Variants in TPX2 observed in about 807,000 individuals in gnomAD.
TPX2 encodes the protein targeting protein for Xklp2.
Under a neutral mutation model 93.6 loss-of-function variants are expected in TPX2, and 21 were observed. That is an observed-to-expected ratio of 0.22 (90% CI 0.16 to 0.32). The LOEUF is 0.32. TPX2 is among the 10% of genes least tolerant of loss of function. The pLI, the probability that TPX2 is intolerant of heterozygous loss-of-function variation, is 1.00. For synonymous variants in TPX2, 281 were observed against 298.3 expected (o/e 0.94, Z 0.60); for missense variants, 776 against 871.1 (o/e 0.89, Z 1.37).
chr20:31,792,592 G>A (rs1190097388), intron 12 of TPX2, 143 bp from the exon 13 acceptor site: 1 of 730,108 alleles, frequency 1.4e-6, no homozygotes, highest in African/African-American at 1.7e-5. Flanking sequence ...CAGGAAGATT[G>A]CCTGAGCCCA....
intron 3 of TPX2, among the ~76,000 whole-genome samples, chr20:31,758,093 C>G (rs1442184504): frequency 2.6e-5 from 4 of 151,414 alleles, no homozygotes; most frequent in African/African-American, 9.7e-5. Context: ...ACCCTCACCT[C>G]CCTCCTGCCA....
At chr20:31,747,356 G>T (rs2061790223) in intron 2 of TPX2, among the ~76,000 whole-genome samples, 1 of 152,176 alleles carries the variant, frequency 6.6e-6, no homozygotes. Context: ...CTGACTTCGT[G>T]ATCCGCCTGC....
chr20:31,743,970 C>T (rs933654585), intron 2 of TPX2, among the ~76,000 whole-genome samples: 3 of 151,836 alleles, frequency 2.0e-5, no homozygotes, highest in Non-Finnish European at 4.4e-5. Context: ...ATCTGCCCGC[C>T]TCTGCCTCCC....
At chr20:31,766,268 T>G (rs1037290269) in intron 4 of TPX2, among the ~76,000 whole-genome samples, 1 of 152,220 alleles carries the variant, frequency 6.6e-6, no homozygotes, top group Non-Finnish European at 1.5e-5. Flanking sequence ...TTTCAGAATT[T>G]TATCTTTACC....
intron 14 of TPX2, 57 bp downstream of exon 14, chr20:31,794,081 A>G (rs1460971968): frequency 1.3e-6 from 2 of 1,493,430 alleles, no homozygotes; most frequent in Non-Finnish European, 1.8e-6. Context: ...CCTCAAAGAC[A>G]GTTTTTTCTG....
intron 12 of TPX2, among the ~76,000 whole-genome samples, 200 bp from the exon 13 acceptor site, chr20:31,792,535 T>C (rs1351324063): frequency 2.0e-5 from 3 of 151,178 alleles, no homozygotes; most frequent in Non-Finnish European, 3.0e-5. Context: ...TTCTAGGCCA[T>C]GTGCAGTGGC....
chr20:31,786,402 T>TTTTTTTTTTTTTTG (rs2062066635), intron 12 of TPX2, among the ~76,000 whole-genome samples: 8 of 111,502 alleles, frequency 7.2e-5, no homozygotes, highest in African/African-American at 3.1e-4. Context: ...GAACTACTGT[T>TTTTTTTTTTTTTTG]TTTTTTTTTT....
chr20:31,782,227 C>G, intron 10 of TPX2, 22 bp from the exon 11 acceptor site: 1 of 1,592,682 alleles, frequency 6.3e-7, no homozygotes, highest in Non-Finnish European at 8.6e-7. Flanking sequence ...TCTAGATGAA[C>G]ATCTGTCATC....
At chr20:31,764,358 A>G (rs1568926221) in intron 4 of TPX2, among the ~76,000 whole-genome samples, 1 of 152,010 alleles carries the variant, frequency 6.6e-6, no homozygotes, top group African/African-American at 2.4e-5. Context: ...TTGTAGAGAC[A>G]GAATTTTGCC....
At chr20:31,749,450 A>G (rs755024737) in intron 2 of TPX2, among the ~76,000 whole-genome samples, 1 of 152,184 alleles carries the variant, frequency 6.6e-6, no homozygotes, top group Non-Finnish European at 1.5e-5. Context: ...TAGTGAGTTA[A>G]TACATGTAAG....
chr20:31,766,458 T>C (rs971388905), intron 4 of TPX2, 98 bp from the exon 5 acceptor site: 1 of 604,988 alleles, frequency 1.7e-6, no homozygotes. Flanking sequence ...AGACAGGGTG[T>C]GTGTGTGTGT....
chr20:31,794,499 T>G lies in TPX2; in HGVS notation c.1784T>G (p.Leu595Trp). ...KNVTQIEPFCLETDRRGALKA... is the reference protein window; with the variant it reads ...KNVTQIEPFCWETDRRGALKA... The stretch of plus-strand genomic sequence containing the variant: ...GTGACCCAGATTGAACCTTTCTGCT[T>G]GGAGACTGACAGAAGAGGTGCTCTG... The change falls in exon 15 of 18, where the codon TTG (leucine) becomes TGG (tryptophan). Residue 595 changes from leucine to tryptophan, a missense_variant. Leu to Trp is a moderately conservative substitution (Grantham distance 61). This residue lies in a region of TPX2 where 461 missense variants were observed against 551.2 expected (regional missense o/e 0.84). Coordinates refer to ENST00000300403, the MANE Select transcript of TPX2 (RefSeq NM_012112.5). 1 of 1,614,080 alleles carries G rather than the reference T, an allele frequency of 6.2e-7. No homozygotes were observed. The highest frequency in any genetic ancestry group is 8.5e-7 in the Non-Finnish European group (1 of 1,180,020).
At chr20:31,746,209 A>C (rs2061782964) in intron 2 of TPX2, among the ~76,000 whole-genome samples, 1 of 152,226 alleles carries the variant, frequency 6.6e-6, no homozygotes, top group Non-Finnish European at 1.5e-5. Flanking sequence ...TAGCAAACAT[A>C]AATGTGGAAA....
intron 4 of TPX2, among the ~76,000 whole-genome samples, chr20:31,761,674 C>T: frequency 6.6e-6 from 1 of 152,110 alleles, no homozygotes; most frequent in East Asian, 1.9e-4. Flanking sequence ...CAGTTGATTC[C>T]ATATCTTGAC....
rs778696177 is a variant in TPX2, at chr20:31,788,274, C to G, written c.1413+4353C>G. ...TCTACTAAATACAAAAAAAATTAGC[C>G]GGGCGTGGTGGCAGGCACCTGTACT... is the stretch of plus-strand genomic sequence containing the variant. On this transcript the variant is annotated intron_variant, in intron 12 of 17. Transcript: ENST00000300403. Among the ~76,000 whole-genome samples the G allele has an allele frequency of 2.0e-5, 3 of 151,776 alleles. No homozygotes were observed. The East Asian group carries it at 5.8e-4, about 29-fold the overall frequency.
rs1172057934 is a variant in TPX2 at position 31,766,676 on chromosome 20, C to A, written c.350C>A (p.Pro117His). The A allele has an allele frequency of 6.2e-7, 1 of 1,612,588 alleles. No homozygotes were observed. Among genetic ancestry groups the A allele is most frequent in the Non-Finnish European group, 8.5e-7 (1 of 1,179,524 alleles). Residue 117 changes from proline (P) to histidine (H), a missense_variant, in exon 5 of 18, where the codon CCT (proline) becomes CAT (histidine). Coordinates refer to ENST00000300403, the MANE Select transcript of TPX2 (RefSeq NM_012112.5). Reference sequence around the variant, plus strand: ...ATATCAAGAAAAACTCCAGCCCAGCCTCAGAGGTAAGACTTTGGAATCTCA... The same window carrying A: ...ATATCAAGAAAAACTCCAGCCCAGCATCAGAGGTAAGACTTTGGAATCTCA... ...AAISRKTPAQ[P>H]QRRSLRLSAQ...
At chr20:31,794,732 G>C (rs973556260) in intron 15 of TPX2, among the ~76,000 whole-genome samples, 184 bp downstream of exon 15, 5 of 151,282 alleles carry the variant, frequency 3.3e-5, no homozygotes, top group Non-Finnish European at 7.4e-5. Context: ...GGTTTTGTAG[G>C]TTACATATGG....
intron 9 of TPX2, among the ~76,000 whole-genome samples, chr20:31,778,309 GC>G (rs1355254639): frequency 6.6e-6 from 1 of 152,114 alleles, no homozygotes; most frequent in African/African-American, 2.4e-5. Context: ...GAAGGGTTTT[GC>G]TTCCAATTAG....
In TPX2 at chr20:31,744,185, G is replaced by A. The variant is rs1252579515; in HGVS notation, c.-71+1538G>A. On this transcript the variant is annotated intron_variant, in intron 2 of 17. Transcript: ENST00000300403. ...TTTTTTTTTTTTTTTTTTTTGAGTC[G>A]GAGTCTCACTCTGTCGCCCGGGTTG... is the stretch of plus-strand genomic sequence containing the variant. Among the ~76,000 whole-genome samples, 6 of 115,272 alleles carry A rather than the reference G, an allele frequency of 5.2e-5. No individual in the cohort carries two copies. In the South Asian group the frequency reaches 7.6e-4, roughly 15 times the overall value. The allele number at this position is 115,272 out of a possible 152,430, so 75.6% of individuals were successfully genotyped here.
Sources: allele counts gnomAD v4.1 joint callset (sites outside exome capture counted in the v4.1 genomes callset), GRCh38; gene constraint gnomAD v4.1.1; regional missense constraint gnomAD v4.1.1; transcripts MANE v1.5; gene names NCBI Gene and HGNC (gene_info 2026-07-23, HGNC 2026-07-21).